Variants in SDK1 observed in about 807,000 individuals in gnomAD.
The protein encoded by SDK1 is protein sidekick-1.
Under a neutral mutation model 245.5 loss-of-function variants are expected in SDK1, and 157 were observed. The ratio of observed to expected loss-of-function variants is 0.64; its 90% CI spans 0.56 to 0.73. The LOEUF is 0.73. SDK1 is among the 30% of genes least tolerant of loss of function. The pLI is 0.00. For synonymous variants in SDK1, 1,647 were observed against 1,278.5 expected, an observed-to-expected ratio of 1.29 and a Z score of -6.15; for missense variants, 3,583 against 3,002.3, an observed-to-expected ratio of 1.19 and a Z score of -4.52.
intron 5 of SDK1, among the ~76,000 whole-genome samples, chr7:3,861,292 T>C (rs147905890): frequency 5.9e-5 from 9 of 152,348 alleles, no homozygotes; most frequent in African/African-American, 1.9e-4. Flanking sequence ...ATTGCTGTCA[T>C]TTTACTCTCC....
At chr7:3,499,849 T>A (rs1205969883) in intron 1 of SDK1, among the ~76,000 whole-genome samples, 2 of 152,146 alleles carry the variant, frequency 1.3e-5, no homozygotes, top group South Asian at 4.1e-4. Flanking sequence ...CAGGGCTGTT[T>A]TGAGGGTCAT....
At chr7:4,089,245 C>T (rs565451389) in intron 22 of SDK1, among the ~76,000 whole-genome samples, 5 of 152,182 alleles carry the variant, frequency 3.3e-5, no homozygotes, top group Non-Finnish European at 7.4e-5. Flanking sequence ...CCCTCATGGG[C>T]ATCTGCACAG....
Position 4,079,548 on chromosome 7 carries a change from G to A in SDK1, c.3288G>A (p.Gly1096=). 6.2e-7 allele frequency: 1 copy of A among 1,614,208 alleles called. No homozygotes were observed. Among genetic ancestry groups the A allele is most frequent in the Non-Finnish European group, 8.5e-7 (1 of 1,180,038 alleles). The change falls in exon 22 of 45, where the codon GGG becomes GGA. Residue 1096 remains glycine (G), a synonymous_variant. Coordinates refer to ENST00000404826, the MANE Select transcript of SDK1 (RefSeq NM_152744.4). ...ATLQFRPGYD[G]KTSISRWIVE... The stretch of plus-strand genomic sequence containing the variant: ...TTCAGTTCCGGCCAGGCTATGACGG[G>A]AAAACGTCCATCTCCAGGTGGATTG...
chr7:3,824,131 G>A (rs893528603), intron 5 of SDK1, among the ~76,000 whole-genome samples: 1 of 152,112 alleles, frequency 6.6e-6, no homozygotes, highest in African/African-American at 2.4e-5. Context: ...CCTGCTCCTG[G>A]TGAGGGTGTG....
chr7:4,135,153 C>CT (rs1778984989), intron 28 of SDK1, among the ~76,000 whole-genome samples: 1 of 152,204 alleles, frequency 6.6e-6, no homozygotes, highest in Non-Finnish European at 1.5e-5. Flanking sequence ...TCTGACATTT[C>CT]TTTTTCCGAT....
intron 1 of SDK1, among the ~76,000 whole-genome samples, chr7:3,568,974 T>C (rs1222048267): frequency 5.9e-5 from 9 of 151,364 alleles, no homozygotes; most frequent in Non-Finnish European, 1.3e-4. Context: ...TTAAGTTCTC[T>C]AATTTATTGC....
chr7:3,461,406 C>CA (rs1244213886), intron 1 of SDK1, among the ~76,000 whole-genome samples: 12 of 152,186 alleles, frequency 7.9e-5, no homozygotes, highest in Admixed American at 3.9e-4. Context: ...TTTTAGATAA[C>CA]ACCCACATCT....
At chr7:3,566,858 G>A (rs1381558408) in intron 1 of SDK1, among the ~76,000 whole-genome samples, 2 of 152,056 alleles carry the variant, frequency 1.3e-5, no homozygotes, top group South Asian at 2.1e-4. Flanking sequence ...AGAGAAATAA[G>A]AATCGAAGCA....
intron 23 of SDK1, among the ~76,000 whole-genome samples, chr7:4,113,023 T>G (rs372159222): frequency 6.6e-6 from 1 of 152,040 alleles, no homozygotes; most frequent in Non-Finnish European, 1.5e-5. Context: ...TCAGCCTCCC[T>G]AAGTGCTGGG....
At chr7:3,889,346 C>A (rs1781404504) in intron 5 of SDK1, among the ~76,000 whole-genome samples, 1 of 152,210 alleles carries the variant, frequency 6.6e-6, no homozygotes, top group East Asian at 1.9e-4. Context: ...CAGAGTCAGG[C>A]CTACAGTTGG....
intron 1 of SDK1, among the ~76,000 whole-genome samples, chr7:3,385,758 A>T (rs1269343003): frequency 6.6e-6 from 1 of 152,186 alleles, no homozygotes; most frequent in Non-Finnish European, 1.5e-5. Context: ...GTGAGGTGAG[A>T]TGGAGATCAT....
intron 1 of SDK1, among the ~76,000 whole-genome samples, chr7:3,497,999 T>C (rs1290090121): frequency 3.3e-5 from 5 of 152,242 alleles, no homozygotes; most frequent in Non-Finnish European, 7.3e-5. Context: ...AGTTTGACAG[T>C]TCAGCCATCT....
intron 35 of SDK1, among the ~76,000 whole-genome samples, chr7:4,180,504 G>A (rs532463269): frequency 1.4e-5 from 2 of 144,484 alleles, no homozygotes; most frequent in South Asian, 4.5e-4. Context: ...CCCAGTGCCT[G>A]GCTCCAGCTC....
At chr7:4,176,777 G>A (rs552199695) in intron 34 of SDK1, among the ~76,000 whole-genome samples, 6 of 152,264 alleles carry the variant, frequency 3.9e-5, no homozygotes, top group Admixed American at 3.3e-4. Flanking sequence ...TGAGCTTAAC[G>A]TCTTCAAGGT....
chr7:3,526,016 C>G (rs549898294), intron 1 of SDK1, among the ~76,000 whole-genome samples: 1 of 152,070 alleles, frequency 6.6e-6, no homozygotes, highest in Non-Finnish European at 1.5e-5. Flanking sequence ...GGTGGAATCA[C>G]CTGAGGTCGG....
intron 38 of SDK1, among the ~76,000 whole-genome samples, chr7:4,215,362 G>A (rs982847225): frequency 6.6e-6 from 1 of 152,224 alleles, no homozygotes; most frequent in African/African-American, 2.4e-5. Flanking sequence ...CCCCTACACC[G>A]ACTCTGCGCT....
intron 1 of SDK1, among the ~76,000 whole-genome samples, chr7:3,524,023 C>T (rs886764144): frequency 6.6e-6 from 1 of 152,186 alleles, no homozygotes; most frequent in African/African-American, 2.4e-5. Context: ...GGTGCCTGGC[C>T]TGAGTCAGCT....
chr7:4,174,799 C>T (rs1782086050), intron 33 of SDK1, among the ~76,000 whole-genome samples: 1 of 152,148 alleles, frequency 6.6e-6, no homozygotes, highest in Non-Finnish European at 1.5e-5. Flanking sequence ...GCTCTGCCTG[C>T]ACTGCGCCAT....
intron 25 of SDK1, among the ~76,000 whole-genome samples, chr7:4,122,724 G>GAA (rs1784149639): frequency 6.6e-6 from 1 of 152,120 alleles, no homozygotes; most frequent in Non-Finnish European, 1.5e-5. Context: ...AAGGAGAAAA[G>GAA]AAGCCATGGA....
Sources: gnomAD v4.1 joint callset for allele counts (sites outside exome capture counted in the v4.1 genomes callset) on GRCh38, gnomAD v4.1.1 for gene constraint, MANE v1.5 for transcripts, NCBI Gene and HGNC (gene_info 2026-07-23, HGNC 2026-07-21) for gene names.